EYS: variants seen among roughly 807,000 people sequenced by gnomAD.
EYS encodes the protein protein eyes shut homolog.
EYS carries 250 observed loss-of-function variants against 282.1 expected under a neutral mutation model. The ratio of observed to expected loss-of-function variants is 0.89; its 90% confidence interval spans 0.80 to 0.98. EYS has a LOEUF of 0.98. EYS is among the 50% of genes least tolerant of loss of function. The pLI is 0.00. For synonymous variants in EYS, 1,355 were observed against 1,282.9 expected (o/e 1.06, Z -1.20); for missense variants, 4,016 against 3,709.0 (o/e 1.08, Z -2.15).
At chr6:63,780,770 A>C (rs1382679457) in intron 39 of EYS, among the ~76,000 whole-genome samples, 1 of 152,124 alleles carries the variant, frequency 6.6e-6, no homozygotes, top group Non-Finnish European at 1.5e-5. Flanking sequence ...CCATTTGTCA[A>C]TTTTGGCTTT....
At chr6:65,513,981 G>C (rs1457515669) in intron 2 of EYS, among the ~76,000 whole-genome samples, 10 of 152,072 alleles carry the variant, frequency 6.6e-5, no homozygotes, top group Non-Finnish European at 1.5e-4. Flanking sequence ...TATTCAATTC[G>C]GAAAAGAGGA....
chr6:65,032,664 G>T (rs1431605598), intron 13 of EYS, among the ~76,000 whole-genome samples: 3 of 152,018 alleles, frequency 2.0e-5, no homozygotes, highest in Admixed American at 1.3e-4. Flanking sequence ...GTGAGCTAAT[G>T]AAATATCTCT....
At chr6:65,440,565 C>A (rs1310693185) in intron 5 of EYS, among the ~76,000 whole-genome samples, 1 of 151,430 alleles carries the variant, frequency 6.6e-6, no homozygotes, top group Non-Finnish European at 1.5e-5. Flanking sequence ...CTGGTGATAT[C>A]TTTTACTTTA....
chr6:63,943,692 A>T (rs1198400951), intron 35 of EYS, among the ~76,000 whole-genome samples: 1 of 152,200 alleles, frequency 6.6e-6, no homozygotes, highest in African/African-American at 2.4e-5. Context: ...ATTTTGGTAG[A>T]GTGCTTTTCC....
At chr6:64,713,515 A>T (rs1562150074) in intron 22 of EYS, among the ~76,000 whole-genome samples, 1 of 152,194 alleles carries the variant, frequency 6.6e-6, no homozygotes, top group Non-Finnish European at 1.5e-5. Context: ...AGTTTATAAA[A>T]GTCTAGGTGT....
intron 30 of EYS, among the ~76,000 whole-genome samples, chr6:64,272,363 T>TA (rs1767971456): frequency 6.6e-6 from 1 of 152,194 alleles, no homozygotes; most frequent in South Asian, 2.1e-4. Flanking sequence ...AGTTTCTTCA[T>TA]AGTGTTGATG....
chr6:64,584,706 TAGTGGTCAGCA>T (rs1304489515), intron 26 of EYS, among the ~76,000 whole-genome samples: 1 of 152,138 alleles, frequency 6.6e-6, no homozygotes, highest in East Asian at 1.9e-4. Context: ...TTTACTGTTC[TAGTGGTCAGCA>T]TTTTGCCATC....
chr6:63,733,319 T>C, intron 41 of EYS, among the ~76,000 whole-genome samples: 1 of 152,180 alleles, frequency 6.6e-6, no homozygotes, highest in East Asian at 1.9e-4. Flanking sequence ...CAAGGGTACA[T>C]GTGCAAGTTT....
chr6:65,160,288 A>T (rs542303167), intron 12 of EYS, among the ~76,000 whole-genome samples: 1 of 151,010 alleles, frequency 6.6e-6, no homozygotes, highest in Non-Finnish European at 1.5e-5. Context: ...TTACTGGTAT[A>T]GGAAATGTAT....
At chr6:64,169,826 G>A (rs1349794714) in intron 31 of EYS, among the ~76,000 whole-genome samples, 2 of 152,104 alleles carry the variant, frequency 1.3e-5, no homozygotes, top group African/African-American at 4.8e-5. Context: ...GGAGATGGGG[G>A]TGCAAATGGA....
intron 23 of EYS, among the ~76,000 whole-genome samples, chr6:64,620,593 A>G (rs763750662): frequency 1.3e-5 from 2 of 152,218 alleles, no homozygotes; most frequent in Non-Finnish European, 2.9e-5. Context: ...CATACCCATT[A>G]GTATGAAGAA....
At chr6:63,962,297 G>A (rs1766103865) in intron 35 of EYS, among the ~76,000 whole-genome samples, 3 of 152,260 alleles carry the variant, frequency 2.0e-5, no homozygotes, top group East Asian at 3.9e-4. Context: ...CACAGCAAAA[G>A]GAACTACCAT....
chr6:65,688,083 T>G (rs1224539508), intron 1 of EYS, among the ~76,000 whole-genome samples: 1 of 151,994 alleles, frequency 6.6e-6, no homozygotes, highest in African/African-American at 2.4e-5. Context: ...AAAAAAATAC[T>G]TTAAAGTTCA....
chr6:64,844,008 T>C (rs757747520), intron 19 of EYS, among the ~76,000 whole-genome samples: 10 of 152,210 alleles, frequency 6.6e-5, no homozygotes, highest in Non-Finnish European at 1.5e-4. Context: ...TCTCAGGGGT[T>C]TCTGCTTTTT....
At chr6:64,997,042 T>C (rs968969202) in intron 14 of EYS, among the ~76,000 whole-genome samples, 1 of 152,100 alleles carries the variant, frequency 6.6e-6, no homozygotes, top group Non-Finnish European at 1.5e-5. Flanking sequence ...CCCAAATCAA[T>C]TGCCAACCAT....
intron 35 of EYS, among the ~76,000 whole-genome samples, chr6:63,969,152 C>T (rs536725489): frequency 2.4e-4 from 36 of 152,248 alleles, no homozygotes; most frequent in Admixed American, 2.3e-3. Context: ...TCATCCCCCC[C>T]TTAAGCTTCT....
intron 2 of EYS, among the ~76,000 whole-genome samples, chr6:65,537,519 C>CAA (rs1768005497): frequency 1.8e-4 from 2 of 11,418 alleles, no homozygotes; most frequent in African/African-American, 3.5e-3. Context: ...ATATAACATG[C>CAA]ACACACACAC....
At chr6:65,522,495 T>C (rs1767409450) in intron 2 of EYS, among the ~76,000 whole-genome samples, 1 of 151,808 alleles carries the variant, frequency 6.6e-6, no homozygotes, top group Non-Finnish European at 1.5e-5. Context: ...GTGTGTGGAG[T>C]GGGGTGGAGA....
chr6:65,383,437 C>T (rs913884780), intron 8 of EYS, among the ~76,000 whole-genome samples: 2 of 151,612 alleles, frequency 1.3e-5, no homozygotes, highest in Non-Finnish European at 2.9e-5. Flanking sequence ...TGGAATTTTG[C>T]CATATTTAAC....
Sources: allele counts gnomAD v4.1 joint callset (sites outside exome capture counted in the v4.1 genomes callset), GRCh38; gene constraint gnomAD v4.1.1; transcripts MANE v1.5; gene names NCBI Gene and HGNC (gene_info 2026-07-23, HGNC 2026-07-21).